Variants in KALRN observed in about 807,000 individuals in gnomAD.
The protein encoded by KALRN is kalirin.
In KALRN, 70 loss-of-function variants were observed where a neutral mutation model predicts 353.7. The observed-to-expected ratio is 0.20, with a 90% CI of 0.16 to 0.24. KALRN has a LOEUF of 0.24. Among genes scored for constraint, KALRN ranks in the 10% least tolerant of loss-of-function variants. The pLI is 1.00. For synonymous variants in KALRN, 1,391 were observed against 1,434.8 expected (o/e 0.97, Z 0.69); for missense variants, 2,791 against 3,756.7 (o/e 0.74, Z 6.72).
At chr3:124,494,911 G>A (rs892955279) in intron 32 of KALRN, among the ~76,000 whole-genome samples, 3 of 152,124 alleles carry the variant, frequency 2.0e-5, no homozygotes, top group Admixed American at 2.0e-4. Context: ...TTTTATAAAA[G>A]CCCCCTGGGG....
intron 1 of KALRN, among the ~76,000 whole-genome samples, chr3:124,196,399 T>G (rs997038962): frequency 6.6e-6 from 1 of 152,114 alleles, no homozygotes; most frequent in Non-Finnish European, 1.5e-5. Context: ...GCTCAGATCC[T>G]GGATCACAGA....
chr3:124,628,501 CCTTCCCTT>C (rs1379998516), intron 34 of KALRN, among the ~76,000 whole-genome samples: 5 of 56,254 alleles, frequency 8.9e-5, no homozygotes, highest in African/African-American at 2.3e-4. Flanking sequence ...CCCTTCCCTT[CCTTCCCTT>C]CCTTCCCTTC....
chr3:124,041,390 T>G (rs2149081071), intron 1 of KALRN, among the ~76,000 whole-genome samples: 1 of 152,266 alleles, frequency 6.6e-6, no homozygotes, highest in African/African-American at 2.4e-5. Flanking sequence ...TATATGTAGA[T>G]CTTTCCAAAT....
intron 25 of KALRN, 78 bp from the exon 26 acceptor site, chr3:124,474,585 T>C: frequency 9.2e-7 from 1 of 1,087,230 alleles, no homozygotes; most frequent in Non-Finnish European, 1.4e-6. Flanking sequence ...GAAGTTATGG[T>C]TGTGCTGGCC....
intron 1 of KALRN, among the ~76,000 whole-genome samples, chr3:124,157,390 C>T (rs183627336): frequency 5.8e-4 from 89 of 152,258 alleles, no homozygotes; most frequent in African/African-American, 2.0e-3. Context: ...AGGAGTTTGT[C>T]GTGGAATCTG....
At chr3:124,289,643 A>G (rs1370377080) in intron 5 of KALRN, among the ~76,000 whole-genome samples, 1 of 152,212 alleles carries the variant, frequency 6.6e-6, no homozygotes, top group African/African-American at 2.4e-5. Flanking sequence ...GTTAGAGAGC[A>G]TTATGAAACA....
rs545854399 is a variant in KALRN, at chr3:124,721,209, C to T, written c.*1739C>T. On this transcript the variant is annotated 3_prime_UTR_variant, in exon 60 of 60. Transcript: ENST00000682506. ...TTTCCATTGGTTTCAAAGACAACTTCCTCATTCGCCCTCCACCTCATCCCA... is the reference window on the plus strand; with the variant it reads ...TTTCCATTGGTTTCAAAGACAACTTTCTCATTCGCCCTCCACCTCATCCCA... 2.6e-5 allele frequency: 4 copies of T among 152,056 alleles called. No homozygotes were observed. In the East Asian group the frequency reaches 7.7e-4, roughly 29 times the overall value. The allele number at this position is 152,056 out of a possible 1,614,324, so 9.4% of individuals were successfully genotyped here. A position where few individuals can be genotyped will look rare whatever the true frequency, so the allele number is the denominator to read the frequency against.
intron 28 of KALRN, among the ~76,000 whole-genome samples, chr3:124,483,483 C>T (rs528667221): frequency 9.9e-5 from 15 of 152,212 alleles, no homozygotes; most frequent in South Asian, 4.2e-4. Flanking sequence ...ACCCAGGAGG[C>T]GGAGGTTGCA....
intron 5 of KALRN, among the ~76,000 whole-genome samples, chr3:124,294,838 T>C (rs1012477104): frequency 6.6e-6 from 1 of 152,232 alleles, no homozygotes; most frequent in Non-Finnish European, 1.5e-5. Flanking sequence ...AAATGCATTC[T>C]ATACATTTCC....
chr3:124,407,858 C>T (rs2091739138), intron 13 of KALRN: 1 of 152,218 alleles, frequency 6.6e-6, no homozygotes, highest in Non-Finnish European at 1.5e-5. Flanking sequence ...GATCTCGGCT[C>T]ACCACCTAGG....
intron 3 of KALRN, among the ~76,000 whole-genome samples, chr3:124,254,334 A>G (rs1478847865): frequency 6.6e-6 from 1 of 151,286 alleles, no homozygotes; most frequent in Non-Finnish European, 1.5e-5. Flanking sequence ...CACCTCTGAA[A>G]CTTTCTACCC....
intron 33 of KALRN, among the ~76,000 whole-genome samples, chr3:124,540,048 T>G (rs1165765230): frequency 6.6e-6 from 1 of 152,068 alleles, no homozygotes; most frequent in Non-Finnish European, 1.5e-5. Context: ...TAGCTGGGAT[T>G]ACAGGTGCCT....
chr3:124,175,501 G>A (rs913490933), intron 1 of KALRN, among the ~76,000 whole-genome samples: 5 of 151,742 alleles, frequency 3.3e-5, no homozygotes, highest in African/African-American at 1.2e-4. Context: ...TCCAGGATGG[G>A]GAAATGTGTA....
chr3:124,191,490 A>C (rs986805439), intron 1 of KALRN, among the ~76,000 whole-genome samples: 2 of 152,208 alleles, frequency 1.3e-5, no homozygotes, highest in African/African-American at 2.4e-5. Context: ...GCTGTATGTC[A>C]GGAGGTAGGA....
intron 17 of KALRN, 101 bp downstream of exon 17, chr3:124,434,626 G>C (rs1223167709): frequency 9.4e-6 from 9 of 962,324 alleles, no homozygotes; most frequent in South Asian, 4.6e-5. Context: ...CGAGAAGCCT[G>C]TCCTTTCAGT....
At chr3:124,426,668 A>G (rs2150401400) in intron 15 of KALRN, among the ~76,000 whole-genome samples, 1 of 152,282 alleles carries the variant, frequency 6.6e-6, no homozygotes, top group South Asian at 2.1e-4. Flanking sequence ...ACCCCTAGAG[A>G]AATGGTGGAC....
chr3:124,142,344 T>C (rs1272368261), intron 1 of KALRN, among the ~76,000 whole-genome samples: 1 of 152,216 alleles, frequency 6.6e-6, no homozygotes. Context: ...AGCCAACACA[T>C]GGGCTCCTTC....
Position 124,658,446 on chromosome 3 carries a change from A to G in KALRN, c.6052A>G (p.Ile2018Val). The change falls in exon 42 of 60, where the codon ATC becomes GTC. Residue 2018 changes from isoleucine (I) to valine (V), a missense_variant. Transcript: ENST00000682506. ...GCTCTTTCAGGAGCGGAAGCTGCAC[A>G]TCTACGTGTGGTATTGTCAGAATAA... ...LFIKHERKLH[I>V]YVWYCQNKPR... 3.1e-6 allele frequency: 5 copies of G among 1,613,738 alleles called. No homozygotes were observed. Among genetic ancestry groups the G allele is most frequent in the Non-Finnish European group, 4.2e-6 (5 of 1,179,596 alleles).
At chr3:124,102,547 G>A (rs1048293442) in intron 1 of KALRN, among the ~76,000 whole-genome samples, 3 of 152,192 alleles carry the variant, frequency 2.0e-5, no homozygotes, top group South Asian at 2.1e-4. Flanking sequence ...ACCTCAGGAG[G>A]TTGTTGTGAG....
Sources: allele counts gnomAD v4.1 joint callset (sites outside exome capture counted in the v4.1 genomes callset), GRCh38; gene constraint gnomAD v4.1.1; transcripts MANE v1.5; gene names NCBI Gene and HGNC (gene_info 2026-07-23, HGNC 2026-07-21).